Variants in PIBF1 observed in about 807,000 individuals in gnomAD.
PIBF1 encodes progesterone immunomodulatory binding factor 1.
Under a neutral mutation model 112.5 loss-of-function variants are expected in PIBF1, and 90 were observed. That is an observed-to-expected ratio of 0.80 (90% CI 0.67 to 0.95). PIBF1 has a LOEUF of 0.95. Ranked by LOEUF, PIBF1 falls within the 40% of genes least tolerant of loss-of-function variation. PIBF1 has a pLI of 0.00. For missense variants in PIBF1, 915 were observed against 852.3 expected (o/e 1.07, Z -0.92); for synonymous variants, 301 against 288.6 (o/e 1.04, Z -0.44).
At chr13:72,973,446 G>A in intron 15 of PIBF1, 145 bp from the exon 16 acceptor site, 1 of 466,690 alleles carries the variant, frequency 2.1e-6, no homozygotes, top group Non-Finnish European at 3.8e-6. Context: ...AAACATTTTA[G>A]TGGCTGGTCT....
chr13:72,936,138 A>T (rs2041867338), intron 14 of PIBF1, among the ~76,000 whole-genome samples: 1 of 151,938 alleles, frequency 6.6e-6, no homozygotes, highest in Non-Finnish European at 1.5e-5. Context: ...AGAGCCTCAA[A>T]CTATTGGGAG....
At chr13:72,948,360 G>A (rs1229593305) in intron 14 of PIBF1, among the ~76,000 whole-genome samples, 4 of 152,148 alleles carry the variant, frequency 2.6e-5, no homozygotes, top group Non-Finnish European at 4.4e-5. Context: ...CTTTACTCCA[G>A]TTCCCAAGAA....
At chr13:72,911,999 A>AAGAAGGAAGGAAGGAAGGAAAGAGAAAGG (rs2040911095) in intron 12 of PIBF1, among the ~76,000 whole-genome samples, 2 of 151,844 alleles carry the variant, frequency 1.3e-5, no homozygotes, top group African/African-American at 4.8e-5. Flanking sequence ...AAAGGAAGGG[A>AAGAAGGAAGGAAGGAAGGAAAGAGAAAGG]AGAAGGAAGG....
chr13:72,797,398 A>G (rs2035248214), intron 4 of PIBF1, among the ~76,000 whole-genome samples: 1 of 152,202 alleles, frequency 6.6e-6, no homozygotes, highest in Non-Finnish European at 1.5e-5. Context: ...CTGTTTGTCA[A>G]AGGTGCTACA....
At chr13:72,875,237 G>A (rs1170330750) in intron 10 of PIBF1, among the ~76,000 whole-genome samples, 1 of 151,984 alleles carries the variant, frequency 6.6e-6, no homozygotes, top group Non-Finnish European at 1.5e-5. Flanking sequence ...TGACTTCATA[G>A]CTCATATCTT....
rs568021690 is a variant in PIBF1, at chr13:72,844,989, AT to A, written c.1224-9064del. On this transcript the variant is annotated intron_variant, in intron 9 of 17. Transcript: ENST00000326291. ...TTTCTTTTTTATTTTATTTTATTTT[AT>A]TTTAAGTTCTATGATACAAATGCAG... Among the ~76,000 whole-genome samples the A allele has an allele frequency of 2.3e-3, 356 of 151,946 alleles. 3 individuals are homozygous for A. Among genetic ancestry groups the A allele is most frequent in the African/African-American group, 7.9e-3 (329 of 41,426 alleles).
intron 1 of PIBF1, among the ~76,000 whole-genome samples, chr13:72,782,567 C>T (rs1203186934): frequency 1.3e-5 from 2 of 152,112 alleles, no homozygotes; most frequent in Non-Finnish European, 2.9e-5. Flanking sequence ...CTCGCTGTTT[C>T]CCCTCCACAC....
In PIBF1 at chr13:72,912,332, TA is replaced by T. The variant is rs570143742; in HGVS notation, c.1639+3661del. On this transcript the variant is annotated intron_variant, in intron 12 of 17. Transcript: ENST00000326291. ...TTAAAAATTCATGTAACTCAGTGAT[TA>T]AAAAAAAAATAGTCCTGTTTAAAAC... Among the ~76,000 whole-genome samples the T allele has an allele frequency of 1.7e-4, 25 of 149,706 alleles. No individual in the cohort carries two copies. In the South Asian group the frequency reaches 2.7e-3, roughly 16 times the overall value.
At chr13:72,994,927 A>G (rs751075662) in intron 16 of PIBF1, among the ~76,000 whole-genome samples, 1 of 152,210 alleles carries the variant, frequency 6.6e-6, no homozygotes, top group Non-Finnish European at 1.5e-5. Context: ...AGCATCAACT[A>G]GGATAGGACA....
chr13:72,952,464 A>G (rs2042326028), intron 14 of PIBF1, among the ~76,000 whole-genome samples: 1 of 151,560 alleles, frequency 6.6e-6, no homozygotes, highest in Non-Finnish European at 1.5e-5. Context: ...TTTATCTAGT[A>G]TTATCTTGGT....
chr13:72,938,122 A>G (rs552607972), intron 14 of PIBF1, among the ~76,000 whole-genome samples: 7 of 152,294 alleles, frequency 4.6e-5, no homozygotes, highest in African/African-American at 1.2e-4. Context: ...TTAAAATGCA[A>G]TTCTCACAGA....
intron 10 of PIBF1, among the ~76,000 whole-genome samples, chr13:72,859,656 A>G (rs2138360299): frequency 6.6e-6 from 1 of 152,328 alleles, no homozygotes; most frequent in Admixed American, 6.5e-5. Context: ...ATGTAAGATC[A>G]TGCAGTTGGG....
intron 16 of PIBF1, among the ~76,000 whole-genome samples, chr13:72,979,092 A>G (rs950606651): frequency 1.2e-4 from 18 of 152,124 alleles, no homozygotes; most frequent in African/African-American, 4.1e-4. Flanking sequence ...CTACTGGGGA[A>G]GTCGAAGCAG....
At chr13:72,894,057 CAAAAAAAAAA>C (rs66856837) in intron 11 of PIBF1, 108 bp downstream of exon 11, 13 of 82,674 alleles carry the variant, frequency 1.6e-4, no homozygotes, top group African/African-American at 6.0e-4. Flanking sequence ...CTATCCTGCA[CAAAAAAAAAA>C]AAAAAAAAAA....
chr13:73,008,718 G>A (rs895379581), intron 17 of PIBF1, among the ~76,000 whole-genome samples: 4 of 152,122 alleles, frequency 2.6e-5, no homozygotes, highest in East Asian at 1.9e-4. Context: ...AGAAGTCCTC[G>A]ATTTGCCCAC....
chr13:72,953,104 C>G (rs774241559), intron 14 of PIBF1, among the ~76,000 whole-genome samples: 2 of 152,070 alleles, frequency 1.3e-5, no homozygotes, highest in African/African-American at 2.4e-5. Flanking sequence ...GAGGGAGCCA[C>G]CACAGCTCTC....
At chr13:72,876,419 CT>C (rs1221066344) in intron 10 of PIBF1, among the ~76,000 whole-genome samples, 1 of 151,932 alleles carries the variant, frequency 6.6e-6, no homozygotes, top group Non-Finnish European at 1.5e-5. Flanking sequence ...TATTCTGGGT[CT>C]TTTGCCTGTC....
chr13:72,924,675 A>G (rs2041419562), intron 13 of PIBF1, among the ~76,000 whole-genome samples: 1 of 152,010 alleles, frequency 6.6e-6, no homozygotes, highest in Non-Finnish European at 1.5e-5. Context: ...TGTTTGCACC[A>G]TTGCACTTCC....
At chr13:72,968,877 A>C (rs2042819085) in intron 15 of PIBF1, among the ~76,000 whole-genome samples, 1 of 151,766 alleles carries the variant, frequency 6.6e-6, no homozygotes, top group Admixed American at 6.6e-5. Context: ...TTGTCTCTAC[A>C]AAAAATACAG....
Sources: allele counts gnomAD v4.1 joint callset (sites outside exome capture counted in the v4.1 genomes callset), GRCh38; gene constraint gnomAD v4.1.1; transcripts MANE v1.5; gene names NCBI Gene and HGNC (gene_info 2026-07-23, HGNC 2026-07-21).